The following B3GALT1 variants were observed in gnomAD, a reference collection of about 807,000 sequenced individuals.
B3GALT1 encodes the protein UDP-Gal:betaGlcNAc beta 1,3-galactosyltransferase, polypeptide 1.
In B3GALT1, 10 loss-of-function variants were observed where a neutral mutation model predicts 23.2. The observed-to-expected ratio is 0.43, with a 90% confidence interval of 0.27 to 0.73. The LOEUF (loss-of-function observed/expected upper bound fraction) is 0.73. Among genes scored for constraint, B3GALT1 ranks in the 30% least tolerant of loss-of-function variants. The pLI is 0.21. For missense variants in B3GALT1, 299 were observed against 405.4 expected (o/e 0.74, Z 2.25); for synonymous variants, 156 against 141.5 (o/e 1.10, Z -0.73).
intron 4 of B3GALT1, among the ~76,000 whole-genome samples, chr2:167,857,846 A>G (rs1690025469): frequency 6.6e-6 from 1 of 152,168 alleles, no homozygotes; most frequent in Non-Finnish European, 1.5e-5. Flanking sequence ...ATCTGATTCT[A>G]GCGCTGAAAA....
intron 1 of B3GALT1, among the ~76,000 whole-genome samples, chr2:167,469,710 T>A (rs745392416): frequency 1.5e-4 from 23 of 152,232 alleles, no homozygotes; most frequent in Non-Finnish European, 3.1e-4. Flanking sequence ...TGTTGAATGA[T>A]AATTGTCATC....
chr2:167,309,603 A>T (rs1233576286), intron 1 of B3GALT1, among the ~76,000 whole-genome samples: 2 of 152,074 alleles, frequency 1.3e-5, no homozygotes, highest in East Asian at 3.8e-4. Flanking sequence ...ATGATTTAAA[A>T]CATATAGCAT....
At chr2:167,403,214 A>G (rs748081914) in intron 1 of B3GALT1, among the ~76,000 whole-genome samples, 43 of 117,224 alleles carry the variant, frequency 3.7e-4, no homozygotes, top group Non-Finnish European at 6.2e-4. Flanking sequence ...GATGTTCCCC[A>G]TCTTGTGTCC....
At chr2:167,526,865 CAAAT>C (rs1273408862) in intron 2 of B3GALT1, among the ~76,000 whole-genome samples, 1 of 152,086 alleles carries the variant, frequency 6.6e-6, no homozygotes, top group Admixed American at 6.6e-5. Flanking sequence ...CTACTACCTA[CAAAT>C]AGTTATTATT....
chr2:167,337,257 G>A (rs978773389), intron 1 of B3GALT1, among the ~76,000 whole-genome samples: 1 of 152,080 alleles, frequency 6.6e-6, no homozygotes, highest in Non-Finnish European at 1.5e-5. Flanking sequence ...GGGGATATAA[G>A]GTAATATGCT....
chr2:167,548,278 G>C (rs371250554), intron 2 of B3GALT1, among the ~76,000 whole-genome samples: 3 of 152,240 alleles, frequency 2.0e-5, no homozygotes, highest in African/African-American at 7.2e-5. Flanking sequence ...CTTAGAGAAG[G>C]AAATCAAAAA....
At chr2:167,320,250 C>G (rs1298282210) in intron 1 of B3GALT1, among the ~76,000 whole-genome samples, 2 of 150,460 alleles carry the variant, frequency 1.3e-5, no homozygotes, top group African/African-American at 4.9e-5. Flanking sequence ...AATGCAGTGA[C>G]ATGATCTTGG....
intron 3 of B3GALT1, among the ~76,000 whole-genome samples, chr2:167,723,741 G>C (rs917805250): frequency 6.6e-6 from 1 of 152,034 alleles, no homozygotes; most frequent in Non-Finnish European, 1.5e-5. Context: ...ATACTGGTCA[G>C]GCTGGTCTCG....
At chr2:167,316,128 G>A (rs1055835802) in intron 1 of B3GALT1, among the ~76,000 whole-genome samples, 2 of 150,878 alleles carry the variant, frequency 1.3e-5, no homozygotes, top group Non-Finnish European at 3.0e-5. Flanking sequence ...AGGGGAAAAT[G>A]GGAGAACTAG....
intron 2 of B3GALT1, among the ~76,000 whole-genome samples, chr2:167,589,762 A>T (rs13427510): frequency 0.18 from 27,268 of 151,960 alleles, 2,498 homozygotes; most frequent in Non-Finnish European, 0.19. Flanking sequence ...TATTTTTATT[A>T]TAGATATAAT....
intron 1 of B3GALT1, among the ~76,000 whole-genome samples, chr2:167,458,507 A>G (rs1010703333): frequency 2.0e-5 from 3 of 152,128 alleles, no homozygotes; most frequent in African/African-American, 4.8e-5. Flanking sequence ...TAGTAATTCT[A>G]TTTTTAATTT....
intron 3 of B3GALT1, among the ~76,000 whole-genome samples, chr2:167,817,455 G>A (rs893581642): frequency 6.6e-6 from 1 of 152,190 alleles, no homozygotes; most frequent in Non-Finnish European, 1.5e-5. Flanking sequence ...CCGTCATCAT[G>A]ATTTTGCACA....
At chr2:167,628,146 CTG>C (rs1685376719) in intron 2 of B3GALT1, among the ~76,000 whole-genome samples, 1 of 151,668 alleles carries the variant, frequency 6.6e-6, no homozygotes, top group African/African-American at 2.4e-5. Flanking sequence ...TTTTCCCAGT[CTG>C]TGGCCTGTCT....
At chr2:167,426,277 T>C (rs1271347874) in intron 1 of B3GALT1, among the ~76,000 whole-genome samples, 2 of 111,600 alleles carry the variant, frequency 1.8e-5, no homozygotes, top group South Asian at 2.9e-4. Context: ...TTTATCATTC[T>C]TTTTTTTTTT....
chr2:167,328,147 C>T (rs1271785847), intron 1 of B3GALT1, among the ~76,000 whole-genome samples: 2 of 152,030 alleles, frequency 1.3e-5, no homozygotes, highest in East Asian at 3.9e-4. Context: ...GATTTTTGTG[C>T]CTGTGTTCAT....
At chr2:167,368,733 A>G (rs768235179) in intron 1 of B3GALT1, among the ~76,000 whole-genome samples, 7 of 152,182 alleles carry the variant, frequency 4.6e-5, no homozygotes, top group Non-Finnish European at 1.0e-4. Flanking sequence ...CTCTAACTTT[A>G]ACCTTGTGTA....
In B3GALT1 at chr2:167,873,002, A is replaced by G. The variant is rs748454217; in HGVS notation, c.*2982A>G. 1 of 152,158 alleles carries G rather than the reference A, an allele frequency of 6.6e-6. No homozygotes were observed. Among genetic ancestry groups the G allele is most frequent in the African/African-American group, 2.4e-5 (1 of 41,432 alleles). The allele number at this position is 152,158 out of a possible 1,614,324, so 9.4% of individuals were successfully genotyped here. On this transcript the variant is annotated 3_prime_UTR_variant, in exon 5 of 5. Coordinates refer to ENST00000392690, the MANE Select transcript of B3GALT1 (RefSeq NM_020981.4). ...TGAATGTTCAAAAAATGTTTAAGTG[A>G]TCAAGAAAAAGCTCTAACTTTCGAC...
chr2:167,404,608 T>C (rs1480699124), intron 1 of B3GALT1, among the ~76,000 whole-genome samples: 2 of 152,172 alleles, frequency 1.3e-5, no homozygotes, highest in Admixed American at 6.5e-5. Flanking sequence ...TATAAATATG[T>C]TCACTATAAT....
At chr2:167,729,316 A>G (rs925797295) in intron 3 of B3GALT1, among the ~76,000 whole-genome samples, 3 of 152,210 alleles carry the variant, frequency 2.0e-5, no homozygotes, top group African/African-American at 7.2e-5. Context: ...AATTTACCCT[A>G]GGGATTCACC....
Sources: gnomAD v4.1 joint callset for allele counts (sites outside exome capture counted in the v4.1 genomes callset) on GRCh38, gnomAD v4.1.1 for gene constraint, MANE v1.5 for transcripts, NCBI Gene and HGNC (gene_info 2026-07-23, HGNC 2026-07-21) for gene names.